PALM2AKAP2: variants seen among roughly 807,000 people sequenced by gnomAD.
The protein encoded by PALM2AKAP2 is PALM2-AKAP2 fusion protein.
PALM2AKAP2 carries 37 observed loss-of-function variants against 71.5 expected under a neutral mutation model. The ratio of observed to expected loss-of-function variants is 0.52; its 90% CI spans 0.40 to 0.68. The LOEUF (loss-of-function observed/expected upper bound fraction) is 0.68. PALM2AKAP2 is among the 30% of genes least tolerant of loss of function. PALM2AKAP2 has a pLI of 0.00. For synonymous variants in PALM2AKAP2, 468 were observed against 478.8 expected (o/e 0.98, Z 0.29); for missense variants, 1,224 against 1,191.8 (o/e 1.03, Z -0.40).
intron 1 of PALM2AKAP2, among the ~76,000 whole-genome samples, chr9:109,853,793 G>A (rs1281834954): frequency 2.0e-5 from 3 of 152,178 alleles, no homozygotes; most frequent in African/African-American, 7.2e-5. Context: ...ACTTGACACT[G>A]GGTATTACAG....
chr9:109,902,267 C>T (rs906172875), intron 3 of PALM2AKAP2, among the ~76,000 whole-genome samples: 1 of 152,210 alleles, frequency 6.6e-6, no homozygotes, highest in African/African-American at 2.4e-5. Flanking sequence ...TAAAGTGTCT[C>T]ATCAGTGCCT....
intron 1 of PALM2AKAP2, among the ~76,000 whole-genome samples, chr9:110,116,017 C>G (rs562790637): frequency 9.2e-5 from 14 of 152,294 alleles, no homozygotes; most frequent in Middle Eastern, 3.4e-3. Context: ...CAGGGAAGAA[C>G]ATGGTGGGTA....
In PALM2AKAP2 at chr9:110,138,092, A is replaced by G. The variant is rs35935397; in HGVS notation, c.2122A>G (p.Lys708Glu). 4,477 of 1,614,128 alleles carry G rather than the reference A, an allele frequency of 2.8e-3. 93 individuals are homozygous for G. The African/African-American group carries it at 0.049, about 18-fold the overall frequency. The change falls in exon 2 of 4, where the codon AAG (lysine) becomes GAG (glutamate). Residue 708 changes from lysine to glutamate, a missense_variant. By Grantham distance (56) the Lys-to-Glu change is moderately conservative. Transcript: ENST00000374525. Reference sequence around the variant, plus strand: ...TGAAGCTGCGGCTTTCGGCTCAGAAAAGCCTCAGAGCATGTTTGAGCCACC... The same window carrying G: ...TGAAGCTGCGGCTTTCGGCTCAGAAGAGCCTCAGAGCATGTTTGAGCCACC...
chr9:110,137,635 G>C, exon 2 of PALM2AKAP2: 1 of 1,613,978 alleles, frequency 6.2e-7, no homozygotes, highest in Non-Finnish European at 8.5e-7. Flanking sequence ...ATGTCTCCTT[G>C]ACCCAAGAGG....
intron 1 of PALM2AKAP2, among the ~76,000 whole-genome samples, chr9:110,056,670 A>G (rs1443147515): frequency 6.6e-6 from 1 of 152,220 alleles, no homozygotes; most frequent in Non-Finnish European, 1.5e-5. Flanking sequence ...TTTGGGGGAA[A>G]AAATGAACAG....
chr9:109,825,500 C>T (rs926430923), intron 1 of PALM2AKAP2, among the ~76,000 whole-genome samples: 8 of 152,192 alleles, frequency 5.3e-5, no homozygotes, highest in African/African-American at 9.7e-5. Context: ...CTACAAAGAA[C>T]TCAAACAAAT....
chr9:109,801,780 G>T (rs1259269230), intron 1 of PALM2AKAP2, among the ~76,000 whole-genome samples: 1 of 151,642 alleles, frequency 6.6e-6, no homozygotes, highest in Non-Finnish European at 1.5e-5. Context: ...CATACTCCTT[G>T]TGTGATGTTA....
intron 1 of PALM2AKAP2, among the ~76,000 whole-genome samples, chr9:110,103,626 A>G (rs1311607243): frequency 6.6e-6 from 1 of 152,222 alleles, no homozygotes; most frequent in African/African-American, 2.4e-5. Flanking sequence ...ATTAAAACGT[A>G]GAGTATGGCT....
intron 1 of PALM2AKAP2, among the ~76,000 whole-genome samples, chr9:109,831,070 T>C (rs115889299): frequency 1.4e-3 from 210 of 151,950 alleles, no homozygotes; most frequent in African/African-American, 5.0e-3. Flanking sequence ...AGCTGTTCAA[T>C]TGGAGGTGAG....
chr9:109,984,703 T>G (rs1832340688), intron 6 of PALM2AKAP2, among the ~76,000 whole-genome samples: 1 of 150,948 alleles, frequency 6.6e-6, no homozygotes. Context: ...TAACTTTTTT[T>G]TTTTTTTTTT....
intron 1 of PALM2AKAP2, among the ~76,000 whole-genome samples, chr9:109,836,252 G>A (rs1828473086): frequency 6.6e-6 from 1 of 152,218 alleles, no homozygotes; most frequent in Admixed American, 6.5e-5. Flanking sequence ...CTCGGCTGCT[G>A]ATACCCAGGC....
At chr9:110,147,581 A>G (rs1437118752) in intron 2 of PALM2AKAP2, among the ~76,000 whole-genome samples, 1 of 152,166 alleles carries the variant, frequency 6.6e-6, no homozygotes, top group Non-Finnish European at 1.5e-5. Context: ...TTCAAGACCA[A>G]CCTGGGCAAT....
At chr9:109,807,157 A>G (rs1827598519) in intron 1 of PALM2AKAP2, among the ~76,000 whole-genome samples, 2 of 152,104 alleles carry the variant, frequency 1.3e-5, no homozygotes. Context: ...AGAGAAAAAA[A>G]AGTCCAGAAT....
At chr9:109,824,016 A>G (rs1828080211) in intron 1 of PALM2AKAP2, among the ~76,000 whole-genome samples, 1 of 152,020 alleles carries the variant, frequency 6.6e-6, no homozygotes, top group Non-Finnish European at 1.5e-5. Context: ...CAGACTCCCA[A>G]GTATCTGGGA....
chr9:110,018,390 G>C (rs1237995246), intron 7 of PALM2AKAP2, among the ~76,000 whole-genome samples: 1 of 152,212 alleles, frequency 6.6e-6, no homozygotes, highest in Non-Finnish European at 1.5e-5. Flanking sequence ...GTGCAGTGTG[G>C]CATGATCGTG....
intron 5 of PALM2AKAP2, among the ~76,000 whole-genome samples, chr9:109,926,433 T>TTCTAGGAAGTC (rs1408045401): frequency 1.3e-5 from 2 of 152,164 alleles, no homozygotes; most frequent in Non-Finnish European, 2.9e-5. Context: ...CCTACAATAC[T>TTCTAGGAAGTC]TCTAGGAAGT....
intron 7 of PALM2AKAP2, chr9:110,025,023 T>G: frequency 7.8e-7 from 1 of 1,280,552 alleles, no homozygotes; most frequent in Non-Finnish European, 1.1e-6. Flanking sequence ...TTTCTTTTTC[T>G]GATCATTTTC....
At position 109,961,051 on chromosome 9, in the gene PALM2AKAP2, G is replaced by A. The variant is rs562249044; in HGVS notation, c.496+29023G>A. On this transcript the variant is annotated intron_variant, in intron 6 of 9. Coordinates refer to the PALM2AKAP2 transcript ENST00000302798. ...AGTATGATTGTTCAGGTTGCATACT[G>A]CACAATCCTGGAAGGCTCCATTCAC... Among the ~76,000 whole-genome samples the A allele has an allele frequency of 2.6e-5, 4 of 152,340 alleles. No individual in the cohort carries two copies. The East Asian group carries it at 5.8e-4, about 22-fold the overall frequency.
chr9:109,678,777 T>C (rs1196060742), intron 1 of PALM2AKAP2, among the ~76,000 whole-genome samples: 1 of 152,222 alleles, frequency 6.6e-6, no homozygotes, highest in Non-Finnish European at 1.5e-5. Context: ...AAAATTTAAT[T>C]ACACTCCTGA....
Sources: allele counts gnomAD v4.1 joint callset (sites outside exome capture counted in the v4.1 genomes callset), GRCh38; gene constraint gnomAD v4.1.1; transcripts MANE v1.5; gene names NCBI Gene and HGNC (gene_info 2026-07-23, HGNC 2026-07-21).